RNF213: variants seen among roughly 807,000 people sequenced by gnomAD.
RNF213 encodes the protein ring finger protein 213.
Under a neutral mutation model 514.4 loss-of-function variants are expected in RNF213, and 341 were observed. That is an observed-to-expected ratio of 0.66 (90% CI 0.61 to 0.73). RNF213 has a LOEUF of 0.73. RNF213 is among the 30% of genes least tolerant of loss of function. The pLI is 0.00. For missense variants in RNF213, 5,767 were observed against 6,615.6 expected (o/e 0.87, Z 4.45); for synonymous variants, 2,655 against 2,658.2 (o/e 1.00, Z 0.04).
rs559552051 is a variant in RNF213, at chr17:80,359,524, C to CAAAA, written c.11055-512_11055-509dup. Among the ~76,000 whole-genome samples, 7 of 32,492 alleles carry CAAAA rather than the reference C, an allele frequency of 2.2e-4. 1 individual carries two copies. The highest frequency in any genetic ancestry group is 8.2e-4 in the African/African-American group (6 of 7,312). The allele number at this position is 32,492 out of a possible 152,430, so 21.3% of individuals were successfully genotyped here. On this transcript the variant is annotated intron_variant, in intron 37 of 67. Coordinates refer to ENST00000582970, the MANE Select transcript of RNF213 (RefSeq NM_001256071.3). ...GTGGTGACAGAGTGAGACTCTATCT[C>CAAAA]AAAAAAAAAAAAAAAAAAAAAAAAA...
chr17:80,319,990 G>T, intron 17 of RNF213: 1 of 1,027,114 alleles, frequency 9.7e-7, no homozygotes, highest in Non-Finnish European at 1.2e-6. Context: ...CCTTTGATAA[G>T]GTTTTCCTTT....
chr17:80,319,422 C>T lies in RNF213; in HGVS notation c.3024+110C>T, dbSNP rs201779262. The T allele has an allele frequency of 3.0e-4, 491 of 1,614,226 alleles. 2 individuals carry two copies. The highest frequency in any genetic ancestry group is 2.3e-3 in the South Asian group (212 of 91,088). On this transcript the variant is annotated intron_variant, in intron 17 of 67. Coordinates refer to ENST00000582970, the MANE Select transcript of RNF213 (RefSeq NM_001256071.3). Reference sequence around the variant, plus strand: ...CTGGGTCTCAGCTCCTCCGCTAACTCAGAGATTGGGAAGTGGGCACCCTCC... The same window carrying T: ...CTGGGTCTCAGCTCCTCCGCTAACTTAGAGATTGGGAAGTGGGCACCCTCC...
intron 3 of RNF213, 38 bp downstream of exon 3, chr17:80,273,442 A>G (rs761953875): frequency 1.9e-6 from 3 of 1,608,342 alleles, no homozygotes; most frequent in Non-Finnish European, 8.5e-7. Context: ...GCCCCCGCTC[A>G]CTCTGCCCAG....
intron 14 of RNF213, among the ~76,000 whole-genome samples, chr17:80,312,136 GAAAAAA>G (rs992445199): frequency 6.6e-6 from 1 of 151,120 alleles, no homozygotes; most frequent in Non-Finnish European, 1.5e-5. Context: ...TCAAAAAAAA[GAAAAAA>G]AAGAAAAAGA....
In RNF213 at chr17:80,289,791, A is replaced by T; in HGVS notation, c.1066A>T (p.Lys356Ter). 1 of 1,613,210 alleles carries T rather than the reference A, an allele frequency of 6.2e-7. No homozygotes were observed. The change falls in exon 6 of 68, where the codon AAG becomes TAG. Residue 356 changes from lysine to a stop codon, truncating the protein, a stop_gained. Coordinates refer to ENST00000582970, the MANE Select transcript of RNF213 (RefSeq NM_001256071.3). LOFTEE classifies it high-confidence loss of function. ...AAGTGCAGCTGCTGTGAAAAACGAG[A>T]AGGAGCAAAAAAACCAGGAAGCAGA... ...NRSAAAVKNEKEQKNQEADVQ... is the reference protein window; with the variant it reads ...NRSAAAVKNE
Position 80,332,246 on chromosome 17 carries a change from C to G in RNF213, c.3758C>G (p.Ala1253Gly), listed in dbSNP as rs1223884809. The change falls in exon 21 of 68, where the codon GCC (alanine) becomes GGC (glycine). Residue 1253 changes from alanine to glycine, a missense_variant. Coordinates refer to ENST00000582970, the MANE Select transcript of RNF213 (RefSeq NM_001256071.3). ...AGTGAGCCTAAGGAGGACCAGGAAG[C>G]CGCAGAGTTGCTGAGTGAGCCCGAA... Reference protein sequence around the residue: ...PLSEPKEDQEAAELLSEPEEE... With the variant: ...PLSEPKEDQEGAELLSEPEEE... 6.5e-7 allele frequency: 1 copy of G among 1,537,100 alleles called. No homozygotes were observed. The highest frequency in any genetic ancestry group is 8.7e-7 in the Non-Finnish European group (1 of 1,146,934).
At chr17:80,332,684 C>T (rs2046449192) in intron 21 of RNF213, 53 bp downstream of exon 21, 2 of 1,447,210 alleles carry the variant, frequency 1.4e-6, no homozygotes, top group Non-Finnish European at 1.8e-6. Context: ...CTGCCTCAGC[C>T]TCTTCAGGAG....
rs747625978 is a variant in RNF213 at position 80,273,323 on chromosome 17, C to T, written c.180C>T (p.Gly60=). ...ECGQELKEEG[G]PCLFPGSDSW... ...GGCAGGAGCTGAAGGAGGAAGGGGGCCCGTGCTTGTTCCCGGGCTCAGACA... is the reference window on the plus strand; with the variant it reads ...GGCAGGAGCTGAAGGAGGAAGGGGGTCCGTGCTTGTTCCCGGGCTCAGACA... Residue 60 remains glycine, a synonymous_variant, in exon 3 of 68, where the codon GGC becomes GGT. Coordinates refer to ENST00000582970, the MANE Select transcript of RNF213 (RefSeq NM_001256071.3). 6.2e-6 allele frequency: 10 copies of T among 1,613,540 alleles called. No individual in the cohort carries two copies. Among genetic ancestry groups the T allele is most frequent in the South Asian group, 1.1e-5 (1 of 91,080 alleles).
intron 58 of RNF213, 26 bp from the exon 59 acceptor site, chr17:80,383,651 T>C: frequency 1.3e-6 from 2 of 1,572,540 alleles, no homozygotes; most frequent in Non-Finnish European, 1.7e-6. Flanking sequence ...ACTTCCAGAA[T>C]TTTTTTTTTC....
At position 80,332,041 on chromosome 17, in the gene RNF213, G is replaced by C. The variant is rs1219725672; in HGVS notation, c.3553G>C (p.Asp1185His). ...FGVLAVRHSQ[D>H]LSSKRLNDTV... ...AGTGCTTGCAGTAAGACACTCACAA[G>C]ACCTCAGCAGTAAAAGATTAAATGA... The change falls in exon 21 of 68, where the codon GAC becomes CAC. Residue 1185 changes from aspartate (D) to histidine (H), a missense_variant. Asp to His is a moderately conservative substitution (Grantham distance 81). This residue lies in a region of RNF213 where 516 missense variants were observed against 566.5 expected (regional missense o/e 0.91). Coordinates refer to ENST00000582970, the MANE Select transcript of RNF213 (RefSeq NM_001256071.3). 5.2e-6 allele frequency: 8 copies of C among 1,537,070 alleles called. No homozygotes were observed. Among genetic ancestry groups the C allele is most frequent in the Middle Eastern group, 3.3e-4 (2 of 5,990 alleles).
At chr17:80,368,846 C>T (rs2079389176) in intron 44 of RNF213, among the ~76,000 whole-genome samples, 1 of 152,192 alleles carries the variant, frequency 6.6e-6, no homozygotes, top group East Asian at 1.9e-4. Context: ...TCTCTGGACT[C>T]AGCAGGCCTC....
rs1247790550 is a variant in RNF213 at position 80,349,794 on chromosome 17, A to T, written c.9976A>T (p.Thr3326Ser). The T allele has an allele frequency of 6.2e-7, 1 of 1,614,166 alleles. No individual in the cohort carries two copies. Among genetic ancestry groups the T allele is most frequent in the Non-Finnish European group, 8.5e-7 (1 of 1,180,026 alleles). ...GATCACCACTTTCTCCAGGCTGCTA[A>T]CAAGTCACGACTGTGAAATTTTAGA... ...TEITTFSRLL[T>S]SHDCEILESE... Residue 3326 changes from threonine to serine, a missense_variant, in exon 30 of 68, where the codon ACA becomes TCA. Coordinates refer to ENST00000582970, the MANE Select transcript of RNF213 (RefSeq NM_001256071.3).
intron 15 of RNF213, chr17:80,316,696 T>C (rs7502410): frequency 0.1 from 25,856 of 252,834 alleles, 2,145 homozygotes; most frequent in East Asian, 0.23. Flanking sequence ...AGGTATGTAG[T>C]GGCAAGGTGC....
chr17:80,332,340 A>G lies in RNF213; in HGVS notation c.3852A>G (p.Arg1284=), dbSNP rs745516474. The part of the protein sequence containing the change: ...VYDYLYQPSY[R]KFIKLHQDLK... The stretch of plus-strand genomic sequence containing the variant: ...ACTATTTGTATCAGCCTTCTTACAG[A>G]AAGTTCATTAAGTTGCACCAGGATC... The change falls in exon 21 of 68, where the codon AGA becomes AGG. Residue 1284 remains arginine (R), a synonymous_variant. Transcript: ENST00000582970. 6.5e-7 allele frequency: 1 copy of G among 1,537,194 alleles called. No homozygotes were observed. The highest frequency in any genetic ancestry group is 1.2e-5 in the South Asian group (1 of 84,060).
At chr17:80,367,230 C>A (rs2079311552) in intron 42 of RNF213, among the ~76,000 whole-genome samples, 1 of 152,136 alleles carries the variant, frequency 6.6e-6, no homozygotes, top group Non-Finnish European at 1.5e-5. Flanking sequence ...TTACAGCTAT[C>A]CTAAAAGCAG....
chr17:80,276,335 G>A (rs1055205758), intron 3 of RNF213, among the ~76,000 whole-genome samples: 1 of 150,916 alleles, frequency 6.6e-6, no homozygotes, highest in African/African-American at 2.4e-5. Flanking sequence ...CCTGACTTCA[G>A]GTGCTCTGCC....
At chr17:80,354,825 A>G in intron 36 of RNF213, 1 of 548,908 alleles carries the variant, frequency 1.8e-6, no homozygotes, top group East Asian at 3.1e-5. Context: ...ACTTAAAAAA[A>G]GTAAAACATC....
Position 80,397,665 on chromosome 17 carries a change from T to C in RNF213, c.*4167T>C, listed in dbSNP as rs2080691011. ...TGTGAGCCCTTAAAAGGGACAGGAA[T>C]TGCTCACTCGGGGAGCTCAGTTGTT... On this transcript the variant is annotated 3_prime_UTR_variant, in exon 68 of 68. Transcript: ENST00000582970. 6.6e-6 allele frequency: 1 copy of C among 151,908 alleles called. No individual in the cohort carries two copies. Among genetic ancestry groups the C allele is most frequent in the South Asian group, 2.1e-4 (1 of 4,800 alleles). 9.4% of individuals were successfully genotyped at this position (151,908 alleles called of 1,614,324 possible).
At chr17:80,340,592 C>G in intron 26 of RNF213, 1 of 447,664 alleles carries the variant, frequency 2.2e-6, no homozygotes, top group Non-Finnish European at 4.0e-6. Flanking sequence ...GCAAACATCT[C>G]TGCAGTGTAC....
Sources: allele counts gnomAD v4.1 joint callset (sites outside exome capture counted in the v4.1 genomes callset), GRCh38; gene constraint gnomAD v4.1.1; regional missense constraint gnomAD v4.1.1; transcripts MANE v1.5; gene names NCBI Gene and HGNC (gene_info 2026-07-23, HGNC 2026-07-21).